CHRM2: variants seen among roughly 807,000 people sequenced by gnomAD.
The protein encoded by CHRM2 is cholinergic receptor muscarinic 2.
CHRM2 carries 8 observed loss-of-function variants against 25.0 expected under a neutral mutation model. That is an observed-to-expected ratio of 0.32 (90% confidence interval 0.19 to 0.58). The LOEUF is 0.58. CHRM2 is among the 20% of genes least tolerant of loss of function. The pLI is 0.88. For synonymous variants in CHRM2, 202 were observed against 205.7 expected (o/e 0.98, Z 0.15); for missense variants, 440 against 567.1 (o/e 0.78, Z 2.28).
intron 2 of CHRM2, among the ~76,000 whole-genome samples, chr7:136,896,988 G>A (rs1796934051): frequency 6.6e-6 from 1 of 152,086 alleles, no homozygotes; most frequent in Non-Finnish European, 1.5e-5. Context: ...GTCACGGTGA[G>A]TAACTGAGGT....
chr7:136,944,901 A>T (rs1442220664), intron 2 of CHRM2, among the ~76,000 whole-genome samples: 1 of 151,992 alleles, frequency 6.6e-6, no homozygotes, highest in Admixed American at 6.6e-5. Context: ...CACCACATCC[A>T]TACCAACATC....
intron 3 of CHRM2, among the ~76,000 whole-genome samples, chr7:137,010,367 G>A (rs1804721573): frequency 6.6e-6 from 1 of 151,956 alleles, no homozygotes; most frequent in Non-Finnish European, 1.5e-5. Flanking sequence ...ATACCAAATG[G>A]GCTATTGCTA....
chr7:136,926,267 AAAAT>A (rs1459046020), intron 2 of CHRM2, among the ~76,000 whole-genome samples: 14 of 151,950 alleles, frequency 9.2e-5, no homozygotes, highest in Non-Finnish European at 1.6e-4. Context: ...ATTAAAAATA[AAAAT>A]AAATAAAAAT....
At chr7:136,962,077 A>G (rs1801121626) in intron 2 of CHRM2, among the ~76,000 whole-genome samples, 1 of 152,134 alleles carries the variant, frequency 6.6e-6, no homozygotes, top group Non-Finnish European at 1.5e-5. Context: ...ACTGTGGGGT[A>G]TATGACCACA....
intron 2 of CHRM2, among the ~76,000 whole-genome samples, chr7:136,941,007 A>G (rs1584793792): frequency 1.3e-5 from 2 of 152,168 alleles, no homozygotes; most frequent in East Asian, 3.9e-4. Context: ...CCCAGCTAAT[A>G]ATGCAGTCCT....
At chr7:136,956,428 T>C (rs1261518193) in intron 2 of CHRM2, among the ~76,000 whole-genome samples, 1 of 152,206 alleles carries the variant, frequency 6.6e-6, no homozygotes, top group Non-Finnish European at 1.5e-5. Context: ...GAAAAAATGC[T>C]TCACTCTGAC....
chr7:136,982,781 C>G (rs1802569925), intron 2 of CHRM2, among the ~76,000 whole-genome samples: 1 of 152,172 alleles, frequency 6.6e-6, no homozygotes, highest in Non-Finnish European at 1.5e-5. Flanking sequence ...CCACTCTCTT[C>G]TGGCTTGTAG....
chr7:136,970,839 G>C (rs1315551722), intron 2 of CHRM2, among the ~76,000 whole-genome samples: 1 of 152,070 alleles, frequency 6.6e-6, no homozygotes, highest in African/African-American at 2.4e-5. Flanking sequence ...GCTCACTAGT[G>C]ACTCAGAGAT....
chr7:136,901,657 G>C (rs900479082), intron 2 of CHRM2, among the ~76,000 whole-genome samples: 2 of 151,858 alleles, frequency 1.3e-5, no homozygotes, highest in African/African-American at 4.8e-5. Context: ...ACATACAGAC[G>C]CTTTTTGATC....
intron 2 of CHRM2, chr7:136,914,125 C>G (rs1171724278): frequency 6.6e-6 from 1 of 151,944 alleles, no homozygotes; most frequent in Non-Finnish European, 1.5e-5. Flanking sequence ...CATGTGATTG[C>G]TTACCTCCGC....
intron 2 of CHRM2, among the ~76,000 whole-genome samples, chr7:136,952,024 C>T (rs974355787): frequency 1.3e-4 from 20 of 152,140 alleles, no homozygotes; most frequent in Non-Finnish European, 2.5e-4. Context: ...CAGGATTTGT[C>T]GCCCTAGACC....
chr7:136,972,663 G>T (rs987036779), intron 2 of CHRM2, among the ~76,000 whole-genome samples: 5 of 152,224 alleles, frequency 3.3e-5, no homozygotes, highest in Non-Finnish European at 1.5e-5. Flanking sequence ...GTTGATGAAG[G>T]TGGTAGTGGT....
At chr7:136,922,102 T>A (rs1011480571) in intron 2 of CHRM2, among the ~76,000 whole-genome samples, 4 of 152,226 alleles carry the variant, frequency 2.6e-5, no homozygotes, top group Admixed American at 2.6e-4. Context: ...AAAGTCATGC[T>A]CTCCAGCCTC....
Position 136,958,311 on chromosome 7 carries a change from G to A in CHRM2, c.-124-33876G>A, listed in dbSNP as rs538474444. ...GCAGCAGCGAGGGCAGAGTGGTTGGGCTCTGGTACTTGCAGCTCTTTGAAT... is the reference window on the plus strand; with the variant it reads ...GCAGCAGCGAGGGCAGAGTGGTTGGACTCTGGTACTTGCAGCTCTTTGAAT... On this transcript the variant is annotated intron_variant, in intron 2 of 3. Coordinates refer to ENST00000680005, the MANE Select transcript of CHRM2 (RefSeq NM_001006630.2). 3.2e-4 allele frequency among the ~76,000 whole-genome samples: 49 copies of A among 152,270 alleles called. 1 individual carries two copies. In the South Asian group the frequency reaches 9.8e-3, roughly 30 times the overall value.
Position 137,016,197 on chromosome 7 carries a change from T to C in CHRM2, c.1332T>C (p.Asn444=), listed in dbSNP as rs762528522. 5 of 1,612,996 alleles carry C rather than the reference T, an allele frequency of 3.1e-6. No homozygotes were observed. The African/African-American group carries it at 6.7e-5, about 22-fold the overall frequency. ...ACCCTGCCTGCTATGCACTTTGCAA[T>C]GCCACCTTCAAGAAGACCTTTAAAC... The part of the protein sequence containing the change: ...TINPACYALC[N]ATFKKTFKHL... Residue 444 remains asparagine (N), a synonymous_variant, in exon 4 of 4, where the codon AAT becomes AAC. Coordinates refer to ENST00000680005, the MANE Select transcript of CHRM2 (RefSeq NM_001006630.2).
intron 2 of CHRM2, among the ~76,000 whole-genome samples, chr7:136,968,355 TG>T (rs1440533223): frequency 4.6e-5 from 7 of 151,936 alleles, no homozygotes; most frequent in African/African-American, 1.7e-4. Flanking sequence ...CTAGAATGCC[TG>T]TTATAAAATA....
chr7:136,875,154 T>C (rs1274838358), intron 2 of CHRM2, among the ~76,000 whole-genome samples: 1 of 149,482 alleles, frequency 6.7e-6, no homozygotes, highest in African/African-American at 2.5e-5. Flanking sequence ...TACACACACA[T>C]GAATTTTATA....
chr7:136,906,141 T>C (rs935921982), intron 2 of CHRM2, among the ~76,000 whole-genome samples: 3 of 150,764 alleles, frequency 2.0e-5, no homozygotes, highest in Non-Finnish European at 4.4e-5. Flanking sequence ...GTTTTGTGTG[T>C]ATATATGTAT....
chr7:136,911,301 A>C (rs568955743), intron 2 of CHRM2, among the ~76,000 whole-genome samples: 1 of 152,104 alleles, frequency 6.6e-6, no homozygotes, highest in East Asian at 1.9e-4. Flanking sequence ...AGAACAAGAA[A>C]AATGCAAAGA....
Sources: allele counts gnomAD v4.1 joint callset (sites outside exome capture counted in the v4.1 genomes callset), GRCh38; gene constraint gnomAD v4.1.1; transcripts MANE v1.5; gene names NCBI Gene and HGNC (gene_info 2026-07-23, HGNC 2026-07-21).